The following XKR6 variants were observed in gnomAD, a reference collection of about 807,000 sequenced individuals.
XKR6 encodes the protein XK related 6, also known as XK-related protein 6.
A neutral mutation model predicts 56.7 loss-of-function variants in XKR6; 22 were observed. The ratio of observed to expected loss-of-function variants is 0.39; its 90% CI spans 0.28 to 0.55. The LOEUF is 0.55. XKR6 is among the 20% of genes least tolerant of loss of function. XKR6 has a pLI of 0.66. For missense variants in XKR6, 852 were observed against 889.0 expected (o/e 0.96, Z 0.53); for synonymous variants, 524 against 387.8 (o/e 1.35, Z -4.13).
intron 1 of XKR6, among the ~76,000 whole-genome samples, chr8:10,940,137 A>T (rs1801344289): frequency 6.6e-6 from 1 of 152,200 alleles, no homozygotes; most frequent in Non-Finnish European, 1.5e-5. Flanking sequence ...CGCCTGGCAC[A>T]TGGTGTGCCC....
chr8:11,143,974 G>C (rs1800844268), intron 1 of XKR6, among the ~76,000 whole-genome samples: 1 of 151,934 alleles, frequency 6.6e-6, no homozygotes, highest in African/African-American at 2.4e-5. Context: ...GTCCTCACAG[G>C]GCCTTTCCTC....
chr8:11,027,531 A>G (rs1349227988), intron 1 of XKR6, among the ~76,000 whole-genome samples: 1 of 152,132 alleles, frequency 6.6e-6, no homozygotes, highest in African/African-American at 2.4e-5. Flanking sequence ...GTAGGCATTC[A>G]CCCCCATTTT....
chr8:10,980,853 G>A (rs113952067), intron 1 of XKR6, among the ~76,000 whole-genome samples: 1 of 152,078 alleles, frequency 6.6e-6, no homozygotes, highest in Non-Finnish European at 1.5e-5. Context: ...ATCTCTGTCT[G>A]TCTGTCTATT....
intron 1 of XKR6, among the ~76,000 whole-genome samples, chr8:10,993,374 A>T (rs888131469): frequency 2.0e-5 from 3 of 152,228 alleles, no homozygotes; most frequent in Non-Finnish European, 4.4e-5. Context: ...AGAAGGAAGA[A>T]AGGAAAGAAA....
intron 1 of XKR6, among the ~76,000 whole-genome samples, chr8:11,063,833 C>T (rs546357535): frequency 9.2e-5 from 14 of 152,134 alleles, no homozygotes; most frequent in African/African-American, 1.2e-4. Flanking sequence ...ATTTGCTGTT[C>T]GTCAAATCTC....
At chr8:10,937,625 C>G (rs1347508040) in intron 1 of XKR6, among the ~76,000 whole-genome samples, 38 of 146,736 alleles carry the variant, frequency 2.6e-4, no homozygotes, top group East Asian at 5.9e-4. Flanking sequence ...TAACAGACAG[C>G]ACCCTCAGCT....
At chr8:10,911,571 T>C (rs553865185) in intron 2 of XKR6, among the ~76,000 whole-genome samples, 1 of 146,192 alleles carries the variant, frequency 6.8e-6, no homozygotes, top group African/African-American at 2.5e-5. Context: ...TCTATATATA[T>C]ATAGAGAGAG....
intron 1 of XKR6, among the ~76,000 whole-genome samples, chr8:11,190,412 T>C (rs763320077): frequency 6.6e-6 from 1 of 152,186 alleles, no homozygotes; most frequent in Non-Finnish European, 1.5e-5. Flanking sequence ...CTGTGGGGTA[T>C]GCCAAACCTA....
rs564326794 is a variant in XKR6 at position 11,135,403 on chromosome 8, T to G, written c.764+65173A>C. 6.6e-5 allele frequency among the ~76,000 whole-genome samples: 10 copies of G among 152,290 alleles called. No individual in the cohort carries two copies. The South Asian group carries it at 2.1e-3, about 32-fold the overall frequency. On this transcript the variant is annotated intron_variant, in intron 1 of 2. Coordinates refer to ENST00000416569, the MANE Select transcript of XKR6 (RefSeq NM_173683.4). ...CTGTAATTTAGAATCTACCCCAGGA[T>G]AGATAGAATAAAGTTACCAAAAGTT...
rs1802693891 is a variant in XKR6, at chr8:11,177,023, G to A, written c.764+23553C>T. Among the ~76,000 whole-genome samples the A allele has an allele frequency of 2.6e-5, 4 of 152,304 alleles. No homozygotes were observed. The South Asian group carries it at 8.3e-4, about 32-fold the overall frequency. ...TCATCTCATCCAAACCTTGTGCTAG[G>A]GAGGTAGAGTGTCCACTCTAAAGAT... On this transcript the variant is annotated intron_variant, in intron 1 of 2. Transcript: ENST00000416569.
chr8:11,131,749 T>C (rs534346292), intron 1 of XKR6, among the ~76,000 whole-genome samples: 6 of 152,284 alleles, frequency 3.9e-5, no homozygotes, highest in South Asian at 2.1e-4. Flanking sequence ...ACACCTTTTC[T>C]ATGTTTAGAT....
In XKR6 at chr8:10,930,845, G is replaced by A. The variant is rs75605470; in HGVS notation, c.765-6015C>T. ...CTTCCTTAATGATAAAAGACTGAAT[G>A]CTTTTGTCTTAAGATCAAGAACAGG... On this transcript the variant is annotated intron_variant, in intron 1 of 2. Transcript: ENST00000416569. Among the ~76,000 whole-genome samples, 622 of 152,326 alleles carry A rather than the reference G, an allele frequency of 4.1e-3. 5 individuals carry two copies. The highest frequency in any genetic ancestry group is 0.014 in the African/African-American group (590 of 41,566).
At chr8:11,096,506 C>T (rs1489263341) in intron 1 of XKR6, among the ~76,000 whole-genome samples, 11 of 152,320 alleles carry the variant, frequency 7.2e-5, no homozygotes, top group South Asian at 2.1e-4. Flanking sequence ...TACTGCACAA[C>T]GAAGGCATTG....
chr8:10,917,587 C>G (rs888883329), intron 2 of XKR6, among the ~76,000 whole-genome samples: 3 of 152,182 alleles, frequency 2.0e-5, no homozygotes, highest in African/African-American at 7.2e-5. Context: ...AGTCTGATCC[C>G]ACCTGGGGAT....
chr8:11,120,151 C>T (rs548529850), intron 1 of XKR6, among the ~76,000 whole-genome samples: 1 of 152,200 alleles, frequency 6.6e-6, no homozygotes, highest in African/African-American at 2.4e-5. Flanking sequence ...TCTCTCACCA[C>T]TCCTATTCAA....
intron 1 of XKR6, among the ~76,000 whole-genome samples, chr8:10,942,125 C>T (rs188442203): frequency 6.6e-6 from 1 of 152,272 alleles, no homozygotes; most frequent in East Asian, 1.9e-4. Context: ...CACACAACCG[C>T]ACCCATACAC....
intron 2 of XKR6, among the ~76,000 whole-genome samples, chr8:10,910,111 A>G (rs538710637): frequency 1.3e-5 from 2 of 152,036 alleles, no homozygotes; most frequent in East Asian, 3.9e-4. Context: ...GACATTTTTG[A>G]TTGTCACAAC....
chr8:11,027,839 C>T (rs1291825650), intron 1 of XKR6, among the ~76,000 whole-genome samples: 1 of 152,150 alleles, frequency 6.6e-6, no homozygotes, highest in African/African-American at 2.4e-5. Context: ...CGCCTCCTAC[C>T]TACAAGGCCC....
intron 1 of XKR6, among the ~76,000 whole-genome samples, chr8:10,990,921 G>A (rs931704255): frequency 1.0e-4 from 4 of 38,822 alleles, no homozygotes; most frequent in Non-Finnish European, 1.3e-4. Context: ...TTTTTTTTTC[G>A]AGACAGAGTC....
Sources: allele counts gnomAD v4.1 joint callset (sites outside exome capture counted in the v4.1 genomes callset), GRCh38; gene constraint gnomAD v4.1.1; transcripts MANE v1.5; gene names NCBI Gene and HGNC (gene_info 2026-07-23, HGNC 2026-07-21).